Variants in ZNF804B observed in about 807,000 individuals in gnomAD.
The protein encoded by ZNF804B is zinc finger protein 804B.
A neutral mutation model predicts 101.4 loss-of-function variants in ZNF804B; 80 were observed. The ratio of observed to expected loss-of-function variants is 0.79; its 90% CI spans 0.66 to 0.95. ZNF804B has a LOEUF of 0.95. ZNF804B is among the 40% of genes least tolerant of loss of function. The pLI is 0.00. For synonymous variants in ZNF804B, 622 were observed against 558.8 expected (o/e 1.11, Z -1.59); for missense variants, 1,673 against 1,561.9 (o/e 1.07, Z -1.20).
intron 1 of ZNF804B, among the ~76,000 whole-genome samples, chr7:88,954,208 G>A (rs1010553691): frequency 5.3e-5 from 8 of 151,634 alleles, no homozygotes; most frequent in Non-Finnish European, 1.2e-4. Context: ...CATTGTTAAA[G>A]TGAATAAAGA....
At chr7:89,207,748 AAATC>A (rs565638454) in intron 1 of ZNF804B, among the ~76,000 whole-genome samples, 103 of 152,360 alleles carry the variant, frequency 6.8e-4, no homozygotes, top group African/African-American at 2.3e-3. Context: ...GGATAAAAAT[AAATC>A]AATCAATCAG....
At chr7:88,885,746 G>A (rs1792116353) in intron 1 of ZNF804B, among the ~76,000 whole-genome samples, 1 of 151,078 alleles carries the variant, frequency 6.6e-6, no homozygotes, top group African/African-American at 2.4e-5. Context: ...ATATCTTCTT[G>A]TCATTGTGAA....
intron 2 of ZNF804B, among the ~76,000 whole-genome samples, chr7:89,277,854 G>T (rs183710480): frequency 2.6e-5 from 4 of 152,036 alleles, no homozygotes; most frequent in South Asian, 4.2e-4. Context: ...TAATCCTTTG[G>T]GTATATACCC....
intron 1 of ZNF804B, among the ~76,000 whole-genome samples, chr7:89,203,222 A>G (rs1788671590): frequency 6.6e-6 from 1 of 152,156 alleles, no homozygotes; most frequent in Non-Finnish European, 1.5e-5. Flanking sequence ...CCATTAGAAT[A>G]CAGATAAACA....
chr7:89,168,603 G>T lies in ZNF804B; in HGVS notation c.109-49552G>T, dbSNP rs1791176876. Among the ~76,000 whole-genome samples, 3 of 149,422 alleles carry T rather than the reference G, an allele frequency of 2.0e-5. No individual in the cohort carries two copies. In the South Asian group the frequency reaches 6.4e-4, roughly 32 times the overall value. On this transcript the variant is annotated intron_variant, in intron 1 of 3. Transcript: ENST00000333190. ...AAAAAGTAACCCCTTAAAGCTTAAA[G>T]AAATTGTAAGATGATACACACAGAG...
intron 1 of ZNF804B, among the ~76,000 whole-genome samples, chr7:88,974,841 A>T (rs2116119286): frequency 6.6e-6 from 1 of 151,428 alleles, no homozygotes; most frequent in East Asian, 2.0e-4. Flanking sequence ...ATTATTGTTG[A>T]CGGCAGTCAC....
At chr7:88,853,545 A>G (rs776594398) in intron 1 of ZNF804B, among the ~76,000 whole-genome samples, 18 of 152,146 alleles carry the variant, frequency 1.2e-4, no homozygotes, top group Non-Finnish European at 2.4e-4. Context: ...TTCACATTCT[A>G]TTCCAAGATT....
intron 1 of ZNF804B, among the ~76,000 whole-genome samples, chr7:89,117,593 T>C (rs1236385108): frequency 6.6e-6 from 1 of 152,200 alleles, no homozygotes; most frequent in Non-Finnish European, 1.5e-5. Flanking sequence ...AGTAATTTGC[T>C]CAATGGGGAG....
intron 1 of ZNF804B, among the ~76,000 whole-genome samples, chr7:89,036,150 G>T (rs534903126): frequency 6.6e-6 from 1 of 150,380 alleles, no homozygotes. Context: ...AAACCAAAAT[G>T]GGTCATATAT....
intron 1 of ZNF804B, among the ~76,000 whole-genome samples, chr7:89,034,755 G>T (rs1788898836): frequency 6.6e-6 from 1 of 152,010 alleles, no homozygotes; most frequent in Admixed American, 6.6e-5. Flanking sequence ...TAATCCTTTG[G>T]GTGTATACCC....
At chr7:88,954,115 A>G (rs1793266004) in intron 1 of ZNF804B, among the ~76,000 whole-genome samples, 1 of 151,794 alleles carries the variant, frequency 6.6e-6, no homozygotes, top group Admixed American at 6.6e-5. Flanking sequence ...TTAAACACTC[A>G]TAAGGAAAAA....
rs545020277 is a variant in ZNF804B, at chr7:88,791,755, G to A, written c.108+31671G>A. Among the ~76,000 whole-genome samples the A allele has an allele frequency of 4.6e-4, 70 of 152,144 alleles. No homozygotes were observed. In the East Asian group the frequency reaches 0.011, roughly 23 times the overall value. Reference sequence around the variant, plus strand: ...TAAGTGATACAAAGAGCTTATACACGTATATATTATTTTTCCCATTACATA... The same window carrying A: ...TAAGTGATACAAAGAGCTTATACACATATATATTATTTTTCCCATTACATA... On this transcript the variant is annotated intron_variant, in intron 1 of 3. Coordinates refer to ENST00000333190, the MANE Select transcript of ZNF804B (RefSeq NM_181646.5).
intron 1 of ZNF804B, among the ~76,000 whole-genome samples, chr7:89,033,113 C>T (rs1383432815): frequency 1.3e-5 from 2 of 151,830 alleles, no homozygotes; most frequent in East Asian, 3.9e-4. Flanking sequence ...TCCATCACCC[C>T]CCACCACTTC....
chr7:89,058,497 C>T lies in ZNF804B; in HGVS notation c.109-159658C>T, dbSNP rs187465836. Among the ~76,000 whole-genome samples the T allele has an allele frequency of 9.8e-4, 149 of 152,210 alleles. 2 individuals are homozygous for T. The highest frequency in any genetic ancestry group is 9.5e-3 in the Admixed American group (145 of 15,268). On this transcript the variant is annotated intron_variant, in intron 1 of 3. Coordinates refer to ENST00000333190, the MANE Select transcript of ZNF804B (RefSeq NM_181646.5). ...ATATACTATGTAGTCTGTAGCATAACATTCCTACTAAACAAACACTCTGTT... is the reference window on the plus strand; with the variant it reads ...ATATACTATGTAGTCTGTAGCATAATATTCCTACTAAACAAACACTCTGTT...
At chr7:89,228,505 C>A (rs1438858865) in intron 2 of ZNF804B, among the ~76,000 whole-genome samples, 1 of 151,928 alleles carries the variant, frequency 6.6e-6, no homozygotes. Context: ...CACAAAGGTT[C>A]TCCAAGTCCC....
chr7:88,856,594 T>C (rs1268973347), intron 1 of ZNF804B, among the ~76,000 whole-genome samples: 27 of 152,228 alleles, frequency 1.8e-4, no homozygotes, highest in Admixed American at 7.8e-4. Context: ...TGAATACCCT[T>C]TGTTTTCTTC....
intron 2 of ZNF804B, among the ~76,000 whole-genome samples, chr7:89,317,374 G>A (rs553277070): frequency 2.0e-4 from 31 of 152,332 alleles, no homozygotes; most frequent in African/African-American, 7.0e-4. Context: ...TCTGGGAAAA[G>A]AGCAGAAAAA....
chr7:89,208,050 G>A (rs1204050464), intron 1 of ZNF804B, among the ~76,000 whole-genome samples: 3 of 148,116 alleles, frequency 2.0e-5, no homozygotes, highest in African/African-American at 7.4e-5. Flanking sequence ...AAGTTCATTG[G>A]TTTATGTGTG....
At chr7:88,827,259 G>A (rs1791062579) in intron 1 of ZNF804B, among the ~76,000 whole-genome samples, 1 of 151,154 alleles carries the variant, frequency 6.6e-6, no homozygotes, top group Non-Finnish European at 1.5e-5. Context: ...CATTAACTAG[G>A]GAACTTTAAA....
Sources: gnomAD v4.1 joint callset for allele counts (sites outside exome capture counted in the v4.1 genomes callset) on GRCh38, gnomAD v4.1.1 for gene constraint, MANE v1.5 for transcripts, NCBI Gene and HGNC (gene_info 2026-07-23, HGNC 2026-07-21) for gene names.